FHIT: variants seen among roughly 807,000 people sequenced by gnomAD.
FHIT encodes the protein bis(5'-adenosyl)-triphosphatase.
FHIT carries 19 observed loss-of-function variants against 17.9 expected under a neutral mutation model. That is an observed-to-expected ratio of 1.06 (90% CI 0.74 to 1.56). The LOEUF (loss-of-function observed/expected upper bound fraction) is 1.56. Among genes scored for constraint, FHIT ranks in the 40% most tolerant of loss-of-function variants. FHIT has a pLI of 0.00. For missense variants in FHIT, 248 were observed against 189.2 expected (o/e 1.31, Z -1.82); for synonymous variants, 81 against 69.7 (o/e 1.16, Z -0.81).
At chr3:60,413,982 G>C (rs1702156212) in intron 5 of FHIT, among the ~76,000 whole-genome samples, 1 of 152,078 alleles carries the variant, frequency 6.6e-6, no homozygotes, top group Non-Finnish European at 1.5e-5. Context: ...CAAAATTCAA[G>C]TACAACAGAA....
At chr3:59,898,108 T>C (rs115761874) in intron 8 of FHIT, among the ~76,000 whole-genome samples, 1,700 of 152,254 alleles carry the variant, frequency 0.011, 39 homozygotes, top group African/African-American at 0.038. Flanking sequence ...ATGCCACAAC[T>C]GGAAAATTCC....
At chr3:60,959,423 T>G (rs1553779882) in intron 3 of FHIT, among the ~76,000 whole-genome samples, 4 of 152,318 alleles carry the variant, frequency 2.6e-5, no homozygotes, top group Admixed American at 6.5e-5. Context: ...TACATTCTTT[T>G]GTATGTTCAA....
chr3:60,170,710 C>A lies in FHIT; in HGVS notation c.104-156558G>T, dbSNP rs575660419. ...GTCTAAATCCTAGCAAGATCAAACA[C>A]TGGGGAAAAAAATAACATTCTCCCA... is the stretch of plus-strand genomic sequence containing the variant. On this transcript the variant is annotated intron_variant, in intron 5 of 9. Coordinates refer to ENST00000492590, the MANE Select transcript of FHIT (RefSeq NM_002012.4). 1.6e-4 allele frequency among the ~76,000 whole-genome samples: 25 copies of A among 152,154 alleles called. No homozygotes were observed. The South Asian group carries it at 1.7e-3, about 10-fold the overall frequency.
intron 5 of FHIT, among the ~76,000 whole-genome samples, chr3:60,235,231 G>GTTTTT (rs375274237): frequency 3.3e-4 from 49 of 147,292 alleles, no homozygotes; most frequent in African/African-American, 1.1e-3. Flanking sequence ...GCTTTTGTTT[G>GTTTTT]TTGTTTTTTT....
chr3:61,196,861 G>C (rs1486204706), intron 2 of FHIT, among the ~76,000 whole-genome samples: 2 of 152,176 alleles, frequency 1.3e-5, no homozygotes, highest in Non-Finnish European at 2.9e-5. Flanking sequence ...GAAGAAAGTA[G>C]GGAAGAATAT....
At chr3:59,855,295 C>T (rs1038673840) in intron 8 of FHIT, among the ~76,000 whole-genome samples, 4 of 152,148 alleles carry the variant, frequency 2.6e-5, no homozygotes, top group African/African-American at 9.7e-5. Flanking sequence ...TAATGACCCC[C>T]ATCTATCCAT....
At chr3:60,884,765 T>G (rs1207021607) in intron 3 of FHIT, among the ~76,000 whole-genome samples, 2 of 151,804 alleles carry the variant, frequency 1.3e-5, no homozygotes, top group African/African-American at 2.4e-5. Context: ...ATTCTATCTC[T>G]ATAAAAAAAT....
intron 5 of FHIT, among the ~76,000 whole-genome samples, chr3:60,290,518 A>G (rs78877593): frequency 0.027 from 4,140 of 152,174 alleles, 195 homozygotes; most frequent in African/African-American, 0.095. Flanking sequence ...AGTCCTGCCA[A>G]CAACCGTGTG....
At chr3:61,012,815 A>T (rs1291535282) in intron 3 of FHIT, among the ~76,000 whole-genome samples, 2 of 151,826 alleles carry the variant, frequency 1.3e-5, no homozygotes, top group East Asian at 1.9e-4. Flanking sequence ...TAAATTCAAA[A>T]TTTTTTTAAA....
intron 5 of FHIT, among the ~76,000 whole-genome samples, chr3:60,130,741 T>C (rs556378022): frequency 3.7e-5 from 4 of 107,430 alleles, no homozygotes; most frequent in South Asian, 3.5e-4. Flanking sequence ...TCTTACTGAA[T>C]AGGGGTGTGT....
intron 5 of FHIT, among the ~76,000 whole-genome samples, chr3:60,088,277 G>A (rs996435693): frequency 2.6e-5 from 4 of 152,144 alleles, no homozygotes; most frequent in Non-Finnish European, 5.9e-5. Flanking sequence ...CAATACTGGG[G>A]ATCAAATTTC....
chr3:60,221,599 C>G (rs1229632402), intron 5 of FHIT, among the ~76,000 whole-genome samples: 2 of 152,140 alleles, frequency 1.3e-5, no homozygotes, highest in Admixed American at 1.3e-4. Flanking sequence ...CGGTGGCTGC[C>G]TACTTATCTC....
At chr3:60,742,713 G>A (rs372305686) in intron 4 of FHIT, among the ~76,000 whole-genome samples, 6 of 152,122 alleles carry the variant, frequency 3.9e-5, no homozygotes, top group East Asian at 1.9e-4. Context: ...ATTTAGTTAA[G>A]GACACCAAAC....
chr3:60,176,918 G>A (rs1217292570), intron 5 of FHIT, among the ~76,000 whole-genome samples: 1 of 152,070 alleles, frequency 6.6e-6, no homozygotes, highest in African/African-American at 2.4e-5. Flanking sequence ...CAGGGAAAAG[G>A]ATCATGGAAA....
At chr3:60,223,043 C>T (rs975622375) in intron 5 of FHIT, among the ~76,000 whole-genome samples, 16 of 152,132 alleles carry the variant, frequency 1.1e-4, no homozygotes, top group African/African-American at 3.6e-4. Flanking sequence ...CATACCCATA[C>T]GTATGCATTT....
intron 5 of FHIT, among the ~76,000 whole-genome samples, chr3:60,327,311 C>A (rs912024552): frequency 6.6e-6 from 1 of 152,190 alleles, no homozygotes; most frequent in Non-Finnish European, 1.5e-5. Flanking sequence ...ATATTCCCAG[C>A]ATCTAGTCCA....
chr3:59,877,456 A>T (rs918235773), intron 8 of FHIT, among the ~76,000 whole-genome samples: 8 of 152,212 alleles, frequency 5.3e-5, no homozygotes, highest in Non-Finnish European at 8.8e-5. Context: ...AAGCAGCAAG[A>T]GATAACAAGC....
At chr3:60,130,742 A>AGG (rs201817593) in intron 5 of FHIT, among the ~76,000 whole-genome samples, 47 of 73,740 alleles carry the variant, frequency 6.4e-4, no homozygotes, top group African/African-American at 1.8e-3. Context: ...CTTACTGAAT[A>AGG]GGGGTGTGTG....
At chr3:59,966,976 G>C (rs1051790412) in intron 7 of FHIT, among the ~76,000 whole-genome samples, 15 of 152,058 alleles carry the variant, frequency 9.9e-5, no homozygotes, top group African/African-American at 3.6e-4. Context: ...CACTGTACAG[G>C]TATACAAAAA....
Sources: gnomAD v4.1 joint callset for allele counts (sites outside exome capture counted in the v4.1 genomes callset) on GRCh38, gnomAD v4.1.1 for gene constraint, MANE v1.5 for transcripts, NCBI Gene and HGNC (gene_info 2026-07-23, HGNC 2026-07-21) for gene names.